The following RHOH variants were observed in gnomAD, a reference collection of about 807,000 sequenced individuals.
RHOH encodes the protein rho-related GTP-binding protein RhoH.
Under a neutral mutation model 13.8 loss-of-function variants are expected in RHOH, and 6 were observed. The observed-to-expected ratio is 0.44, with a 90% CI of 0.24 to 0.86. RHOH has a LOEUF of 0.86. Among genes scored for constraint, RHOH ranks in the 40% least tolerant of loss-of-function variants. The probability of loss-of-function intolerance (pLI) is 0.24; values close to 1 mark genes in which losing one functional copy is unlikely to be tolerated. For missense variants in RHOH, 147 were observed against 244.5 expected, an observed-to-expected ratio of 0.60 and a Z score of 2.66; for synonymous variants, 117 against 103.0, an observed-to-expected ratio of 1.14 and a Z score of -0.82.
chr4:40,221,523 A>G (rs767071282), intron 1 of RHOH, among the ~76,000 whole-genome samples: 4 of 152,192 alleles, frequency 2.6e-5, no homozygotes, highest in Admixed American at 6.5e-5. Flanking sequence ...TGTTATGGTC[A>G]TCTGTGATCA....
intron 1 of RHOH, among the ~76,000 whole-genome samples, chr4:40,204,389 A>G (rs979231396): frequency 2.6e-5 from 4 of 152,180 alleles, no homozygotes; most frequent in African/African-American, 9.7e-5. Flanking sequence ...CTCTTTCTAC[A>G]AGCACGCGCT....
At chr4:40,224,935 G>A (rs1252308586) in intron 1 of RHOH, among the ~76,000 whole-genome samples, 3 of 152,050 alleles carry the variant, frequency 2.0e-5, no homozygotes, top group Admixed American at 6.6e-5. Flanking sequence ...TTAGAGACAG[G>A]GTCTCACTTT....
intron 1 of RHOH, among the ~76,000 whole-genome samples, chr4:40,237,055 A>G (rs1728668255): frequency 6.6e-6 from 1 of 152,248 alleles, no homozygotes; most frequent in South Asian, 2.1e-4. Context: ...TTTGTTAGAT[A>G]GTGAAAACTA....
At chr4:40,196,318 A>T (rs1017428238), upstream of RHOH, among the ~76,000 whole-genome samples, 1 of 152,164 alleles carries the variant, frequency 6.6e-6, no homozygotes, top group Non-Finnish European at 1.5e-5. Context: ...ACAAAAGTTC[A>T]ATTTGTTGGG....
In RHOH at chr4:40,246,612, C is replaced by G. The variant is rs1018521699; in HGVS notation, c.*2650C>G. 6.6e-6 allele frequency: 1 copy of G among 152,296 alleles called. No individual in the cohort carries two copies. Among genetic ancestry groups the G allele is most frequent in the Non-Finnish European group, 1.5e-5 (1 of 68,080 alleles). 9.4% of individuals were successfully genotyped at this position (152,296 alleles called of 1,614,324 possible). A position where few individuals can be genotyped will look rare whatever the true frequency, so the allele number is the denominator to read the frequency against. The stretch of plus-strand genomic sequence containing the variant: ...CTTGAAGGTAGCACTGCCTCCTGGT[C>G]TCCTCAGTGTCCCCAGGGCTCAGCA... On this transcript the variant is annotated 3_prime_UTR_variant, in exon 3 of 3. Transcript: ENST00000381799.
Position 40,243,617 on chromosome 4 carries a change from C to G in RHOH, c.231C>G (p.Asp77Glu). Residue 77 changes from aspartate to glutamate, a missense_variant, in exon 3 of 3, where the codon GAC (aspartate) becomes GAG (glutamate). By Grantham distance (45) the Asp-to-Glu change is conservative. Coordinates refer to ENST00000381799, the MANE Select transcript of RHOH (RefSeq NM_004310.5). The surrounding 1 kb of genome is among the most constrained non-coding windows in gnomAD (Gnocchi z 6.2). ...GGCCCCTGTCCTACCAGCAGGCAGA[C>G]GTGGTGCTGATGTGCTACTCTGTGG... ...SIRPLSYQQA[D>E]VVLMCYSVAN... The G allele has an allele frequency of 1.2e-6, 2 of 1,614,186 alleles. No homozygotes were observed. The highest frequency in any genetic ancestry group is 1.7e-6 in the Non-Finnish European group (2 of 1,180,040).
intron 1 of RHOH, among the ~76,000 whole-genome samples, chr4:40,206,281 A>C (rs1724624206): frequency 6.6e-6 from 1 of 152,112 alleles, no homozygotes; most frequent in Non-Finnish European, 1.5e-5. Flanking sequence ...CTCTAAATAT[A>C]CAACCCTTAC....
At chr4:40,204,443 T>G (rs1160294692) in intron 1 of RHOH, among the ~76,000 whole-genome samples, 1 of 152,230 alleles carries the variant, frequency 6.6e-6, no homozygotes, top group Admixed American at 6.5e-5. Context: ...ATGGACTGAT[T>G]GGCTTGTGCT....
intron 1 of RHOH, among the ~76,000 whole-genome samples, chr4:40,242,451 G>A (rs1729367632): frequency 6.6e-6 from 1 of 152,216 alleles, no homozygotes; most frequent in Admixed American, 6.5e-5. Context: ...GAGGTGTGGA[G>A]TTCAAGCAGC....
At chr4:40,193,510 A>AGAGGG (rs1722832777), upstream of RHOH, 2 of 62,364 alleles carry the variant, frequency 3.2e-5, no homozygotes, top group African/African-American at 1.2e-4. Flanking sequence ...GAGAGAGAGG[A>AGAGGG]GAGGAGGGGC....
chr4:40,207,819 T>C (rs543378573), intron 1 of RHOH, among the ~76,000 whole-genome samples: 1 of 152,172 alleles, frequency 6.6e-6, no homozygotes, highest in African/African-American at 2.4e-5. Flanking sequence ...ATACAAAAAT[T>C]AGCCAGGCGT....
upstream of RHOH, among the ~76,000 whole-genome samples, chr4:40,192,518 AC>A (rs1245204010): frequency 2.0e-5 from 3 of 152,190 alleles, no homozygotes; most frequent in Non-Finnish European, 4.4e-5. Flanking sequence ...GTGGCACAAC[AC>A]CTTTGCAATG....
intron 1 of RHOH, among the ~76,000 whole-genome samples, chr4:40,224,892 T>C (rs1727036045): frequency 6.6e-6 from 1 of 152,226 alleles, no homozygotes; most frequent in Admixed American, 6.5e-5. Context: ...AATTCATACA[T>C]GAAATATCTT....
At chr4:40,198,022 G>A (rs1399024952) in intron 1 of RHOH, among the ~76,000 whole-genome samples, 1 of 152,190 alleles carries the variant, frequency 6.6e-6, no homozygotes, top group Non-Finnish European at 1.5e-5. Flanking sequence ...TGGTGCCGTG[G>A]AGGATATAAG....
chr4:40,215,802 C>T (rs1036257046), intron 1 of RHOH, among the ~76,000 whole-genome samples: 4 of 152,086 alleles, frequency 2.6e-5, no homozygotes, highest in Non-Finnish European at 5.9e-5. Flanking sequence ...TGCCTGTAAT[C>T]CCAGCTACTC....
intron 1 of RHOH, among the ~76,000 whole-genome samples, chr4:40,226,552 G>GA: frequency 6.8e-6 from 1 of 148,062 alleles, no homozygotes; most frequent in East Asian, 2.0e-4. Context: ...AAAAGAAAAA[G>GA]AAAAAAATAT....
intron 1 of RHOH, among the ~76,000 whole-genome samples, chr4:40,223,825 T>C (rs1410794654): frequency 2.2e-5 from 3 of 135,892 alleles, no homozygotes; most frequent in East Asian, 2.2e-4. Context: ...CAGGCTGGAG[T>C]GCAATGGCAC....
intron 1 of RHOH, among the ~76,000 whole-genome samples, chr4:40,212,123 A>C (rs925306793): frequency 1.3e-5 from 2 of 152,226 alleles, no homozygotes; most frequent in Admixed American, 6.5e-5. Flanking sequence ...TAAATTATGA[A>C]TACAGATACT....
Position 40,244,050 on chromosome 4 carries a change from T to G in RHOH, c.*88T>G. The G allele has an allele frequency of 1.8e-6, 2 of 1,114,630 alleles. No homozygotes were observed. Among genetic ancestry groups the G allele is most frequent in the Non-Finnish European group, 2.5e-6 (2 of 785,140 alleles). The allele number at this position is 1,114,630 out of a possible 1,614,324, so 69.0% of individuals were successfully genotyped here. Reference sequence around the variant, plus strand: ...GCCGGGAAGCCAGGAAAGCTTGGTGTTTTCTCTGGGTACACCCCAAGCAGC... The same window carrying G: ...GCCGGGAAGCCAGGAAAGCTTGGTGGTTTCTCTGGGTACACCCCAAGCAGC... On this transcript the variant is annotated 3_prime_UTR_variant, in exon 3 of 3. Transcript: ENST00000381799.
Sources: gnomAD v4.1 joint callset for allele counts (sites outside exome capture counted in the v4.1 genomes callset) on GRCh38, gnomAD v4.1.1 for gene constraint, Gnocchi (gnomAD v3.1) non-coding constraint, MANE v1.5 for transcripts, NCBI Gene and HGNC (gene_info 2026-07-23, HGNC 2026-07-21) for gene names.